Variants in SLC36A3 observed in about 807,000 individuals in gnomAD.
The protein encoded by SLC36A3 is solute carrier family 36 member 3.
A neutral mutation model predicts 44.3 loss-of-function variants in SLC36A3; 35 were observed. The observed-to-expected ratio is 0.79, with a 90% confidence interval of 0.60 to 1.05. SLC36A3 has a LOEUF of 1.05. SLC36A3 is among the 50% of genes least tolerant of loss of function. The pLI, the probability that SLC36A3 is intolerant of heterozygous loss-of-function variation, is 0.00. For missense variants in SLC36A3, 540 were observed against 578.7 expected, an observed-to-expected ratio of 0.93 and a Z score of 0.69; for synonymous variants, 211 against 227.6, an observed-to-expected ratio of 0.93 and a Z score of 0.66.
At chr5:151,296,497 G>A (rs758985101) in intron 2 of SLC36A3, 6 of 577,804 alleles carry the variant, frequency 1.0e-5, no homozygotes, top group Middle Eastern at 4.6e-4. Flanking sequence ...GTGACAGAGA[G>A]CTCATTACCT....
chr5:151,298,506 A>G, intron 2 of SLC36A3, 87 bp downstream of exon 2: 1 of 1,332,450 alleles, frequency 7.5e-7, no homozygotes, highest in Non-Finnish European at 1.1e-6. Context: ...CAAATTGCCC[A>G]TTGATAACAG....
intron 4 of SLC36A3, among the ~76,000 whole-genome samples, chr5:151,290,961 A>C (rs934913564): frequency 1.3e-5 from 2 of 151,846 alleles, no homozygotes. Flanking sequence ...TACCATCATC[A>C]TGTCTTACAA....
At position 151,277,143 on chromosome 5, in the gene SLC36A3, T is replaced by A. The variant is rs1754116668; in HGVS notation, c.*250A>T. The A allele has an allele frequency of 1.9e-6, 1 of 513,012 alleles. No homozygotes were observed. The highest frequency in any genetic ancestry group is 3.3e-5 in the Admixed American group (1 of 30,002). The allele number at this position is 513,012 out of a possible 1,614,324, so 31.8% of individuals were successfully genotyped here. On this transcript the variant is annotated 3_prime_UTR_variant, in exon 10 of 10. Coordinates refer to ENST00000335230, the MANE Select transcript of SLC36A3 (RefSeq NM_181774.4). ...GCATCCCTTTTCCATAAAATGAGGCTGATAATATGAATAGTTGAATCTAAT... is the reference window on the plus strand; with the variant it reads ...GCATCCCTTTTCCATAAAATGAGGCAGATAATATGAATAGTTGAATCTAAT...
intron 4 of SLC36A3, among the ~76,000 whole-genome samples, chr5:151,288,754 C>T (rs566743663): frequency 1.3e-5 from 2 of 150,464 alleles, no homozygotes; most frequent in Non-Finnish European, 3.0e-5. Flanking sequence ...TTCGTCTATA[C>T]ACACACACAC....
rs1041326097 is a variant in SLC36A3 at position 151,303,463 on chromosome 5, C to G, written c.-109G>C. Reference sequence around the variant, plus strand: ...GGCTGCTGACCTGAGATGCTGGCTCCTAACCCCAAGGATGCGTGCTGCTGG... The same window carrying G: ...GGCTGCTGACCTGAGATGCTGGCTCGTAACCCCAAGGATGCGTGCTGCTGG... On this transcript the variant is annotated 5_prime_UTR_variant, in exon 1 of 10. Transcript: ENST00000335230. The G allele has an allele frequency of 1.6e-6, 2 of 1,272,680 alleles. No individual in the cohort carries two copies. Among genetic ancestry groups the G allele is most frequent in the African/African-American group, 3.0e-5 (2 of 66,816 alleles). The allele number at this position is 1,272,680 out of a possible 1,614,324, so 78.8% of individuals were successfully genotyped here. A position where few individuals can be genotyped will look rare whatever the true frequency, so the allele number is the denominator to read the frequency against.
At chr5:151,301,358 T>C (rs1263688039) in intron 1 of SLC36A3, among the ~76,000 whole-genome samples, 1 of 152,148 alleles carries the variant, frequency 6.6e-6, no homozygotes, top group Admixed American at 6.5e-5. Context: ...CTCCCCACAT[T>C]GTTCCTGGGG....
chr5:151,301,087 TAAGACAGCGA>T (rs1418671041), intron 1 of SLC36A3, among the ~76,000 whole-genome samples: 1 of 152,234 alleles, frequency 6.6e-6, no homozygotes, highest in Non-Finnish European at 1.5e-5. Flanking sequence ...CTGAGGAAAT[TAAGACAGCGA>T]AAGAAATCAG....
rs1014027146 is a variant in SLC36A3 at position 151,288,268 on chromosome 5, C to G, written c.489+118G>C. On this transcript the variant is annotated intron_variant, in intron 5 of 9. Transcript: ENST00000335230. ...AGAGAGCTCCCAAGCGTGGTCTGATCTAGGAGTAGAAATGAAGTTCTCTCC... is the reference window on the plus strand; with the variant it reads ...AGAGAGCTCCCAAGCGTGGTCTGATGTAGGAGTAGAAATGAAGTTCTCTCC... 12 of 653,772 alleles carry G rather than the reference C, an allele frequency of 1.8e-5. No homozygotes were observed. The African/African-American group carries it at 2.2e-4, about 12-fold the overall frequency. 40.5% of individuals were successfully genotyped at this position (653,772 alleles called of 1,614,324 possible).
intron 6 of SLC36A3, among the ~76,000 whole-genome samples, chr5:151,285,042 C>T (rs544792922): frequency 2.0e-5 from 3 of 152,252 alleles, no homozygotes; most frequent in Admixed American, 6.5e-5. Context: ...CAAATAATAA[C>T]GCCCCACTAC....
At chr5:151,288,703 CAT>C (rs1754638477) in intron 4 of SLC36A3, among the ~76,000 whole-genome samples, 1 of 150,992 alleles carries the variant, frequency 6.6e-6, no homozygotes, top group Non-Finnish European at 1.5e-5. Context: ...AATTGCATTA[CAT>C]ATATATATAA....
Position 151,280,868 on chromosome 5 carries a change from C to T in SLC36A3, c.1144+146G>A, listed in dbSNP as rs1368392. The T allele has an allele frequency of 4.9e-3, 3,890 of 788,554 alleles. 111 individuals are homozygous for T. In the African/African-American group the frequency reaches 0.056, roughly 11 times the overall value. 48.8% of individuals were successfully genotyped at this position (788,554 alleles called of 1,614,324 possible). ...AATTCTGTTAAGCCCTTTTTTTTCACGTGGAAAAATTGAGGTCCAGGGAGG... is the reference window on the plus strand; with the variant it reads ...AATTCTGTTAAGCCCTTTTTTTTCATGTGGAAAAATTGAGGTCCAGGGAGG... On this transcript the variant is annotated intron_variant, in intron 9 of 9. Transcript: ENST00000335230.
In SLC36A3 at chr5:151,303,272, C is replaced by T. The variant is rs367831485; in HGVS notation, c.83G>A (p.Ser28Asn). 56 of 1,613,986 alleles carry T rather than the reference C, an allele frequency of 3.5e-5. No homozygotes were observed. The highest frequency in any genetic ancestry group is 4.6e-5 in the Non-Finnish European group (54 of 1,179,978). ...GPQSPSESSS[S>N]ITSENVHPAG... ...AGGATGGACATTCTCTGAAGTAATG[C>T]TACTGCTGCTCTCTGAGGGTGACTG... The change falls in exon 1 of 10, where the codon AGC (serine) becomes AAC (asparagine). Residue 28 changes from serine (S) to asparagine (N), a missense_variant. Physicochemically the swap from Ser to Asn is conservative, Grantham distance 46. Coordinates refer to ENST00000335230, the MANE Select transcript of SLC36A3 (RefSeq NM_181774.4).
chr5:151,299,260 CTCTCTATATATATATATA>C (rs1489200791), intron 1 of SLC36A3, among the ~76,000 whole-genome samples: 19 of 65,460 alleles, frequency 2.9e-4, no homozygotes, highest in Admixed American at 6.4e-4. Flanking sequence ...CTCTCTCTCT[CTCTCTATATATATATATA>C]TATATATATA....
At chr5:151,279,136 G>A (rs371653994) in intron 9 of SLC36A3, among the ~76,000 whole-genome samples, 82 of 152,288 alleles carry the variant, frequency 5.4e-4, no homozygotes, top group African/African-American at 1.7e-3. Flanking sequence ...TCACTCCTCC[G>A]TCTATTTGCT....
In SLC36A3 at chr5:151,277,649, A is replaced by G; in HGVS notation, c.1157T>C (p.Ile386Thr). The G allele has an allele frequency of 1.2e-6, 2 of 1,613,980 alleles. No individual in the cohort carries two copies. Among genetic ancestry groups the G allele is most frequent in the Non-Finnish European group, 8.5e-7 (1 of 1,179,940 alleles). ...GACCAAGTCCAGGCGGGGGATGAGG[A>G]TGGCTGAGACACCTGCAATGAAAGG... The part of the protein sequence containing the change: ...ALVCLTCVSA[I>T]LIPRLDLVIS... The change falls in exon 10 of 10, where the codon ATC becomes ACC. Residue 386 changes from isoleucine (I) to threonine (T), a missense_variant. Ile to Thr is a moderately conservative substitution (Grantham distance 89, BLOSUM62 -1). Coordinates refer to ENST00000335230, the MANE Select transcript of SLC36A3 (RefSeq NM_181774.4).
At chr5:151,300,800 T>G (rs1403551998) in intron 1 of SLC36A3, among the ~76,000 whole-genome samples, 2 of 152,252 alleles carry the variant, frequency 1.3e-5, no homozygotes, top group Non-Finnish European at 2.9e-5. Context: ...ATCCCACCAA[T>G]GGAAAATAAC....
intron 4 of SLC36A3, among the ~76,000 whole-genome samples, chr5:151,291,372 A>G (rs1406059593): frequency 6.6e-6 from 1 of 152,214 alleles, no homozygotes; most frequent in Non-Finnish European, 1.5e-5. Flanking sequence ...GTTTCCAAAC[A>G]AGTCTACACA....
intron 1 of SLC36A3, among the ~76,000 whole-genome samples, chr5:151,300,039 G>A (rs1247031619): frequency 6.6e-6 from 1 of 152,232 alleles, no homozygotes; most frequent in Non-Finnish European, 1.5e-5. Context: ...GTTTAAGCAA[G>A]TAGAAGTGCC....
intron 4 of SLC36A3, among the ~76,000 whole-genome samples, chr5:151,292,861 G>A (rs1236921657): frequency 6.6e-6 from 1 of 152,126 alleles, no homozygotes; most frequent in Non-Finnish European, 1.5e-5. Context: ...GTGGGCGCCT[G>A]TAATCCCAGC....
Sources: allele counts gnomAD v4.1 joint callset (sites outside exome capture counted in the v4.1 genomes callset), GRCh38; gene constraint gnomAD v4.1.1; transcripts MANE v1.5; gene names NCBI Gene and HGNC (gene_info 2026-07-23, HGNC 2026-07-21).